Variants in NUP133 observed in about 807,000 individuals in gnomAD.
NUP133 encodes the protein nuclear pore complex protein Nup133.
Under a neutral mutation model 146.2 loss-of-function variants are expected in NUP133, and 66 were observed. That is an observed-to-expected ratio of 0.45 (90% confidence interval 0.37 to 0.55). The LOEUF (loss-of-function observed/expected upper bound fraction) is 0.55, where lower values mean the gene tolerates loss of function less well. NUP133 is among the 20% of genes least tolerant of loss of function. The probability of loss-of-function intolerance (pLI) is 0.00; values close to 1 mark genes in which losing one functional copy is unlikely to be tolerated. For missense variants in NUP133, 1,277 were observed against 1,374.8 expected (o/e 0.93, Z 1.12); for synonymous variants, 521 against 498.8 (o/e 1.04, Z -0.59).
In NUP133 at chr1:229,470,660, T is replaced by C; in HGVS notation, c.1996A>G (p.Thr666Ala). ...TTGTTCAAAGCAATCAATATGGCTG[T>C]GTTGACAAGGTCAGAAAGCCGGGAG... ...HHSRLSDLVN[T>A]AILIALNKRE... Residue 666 changes from threonine to alanine, a missense_variant, in exon 15 of 26, where the codon ACA becomes GCA. Around this residue, in one of 3 missense-constraint regions of NUP133, gnomAD observed 952 missense variants for 1,047.0 expected, o/e 0.91. Transcript: ENST00000261396. The C allele has an allele frequency of 1.2e-6, 2 of 1,613,580 alleles. No homozygotes were observed. The highest frequency in any genetic ancestry group is 1.7e-6 in the Non-Finnish European group (2 of 1,179,974).
chr1:229,444,148 T>G (rs1660251643), intron 25 of NUP133, among the ~76,000 whole-genome samples: 1 of 151,950 alleles, frequency 6.6e-6, no homozygotes, highest in Non-Finnish European at 1.5e-5. Flanking sequence ...CTGACCAACA[T>G]GGTGAAACCC....
intron 24 of NUP133, among the ~76,000 whole-genome samples, chr1:229,446,864 C>A (rs12057446): frequency 2.0e-5 from 3 of 152,072 alleles, no homozygotes; most frequent in Non-Finnish European, 4.4e-5. Context: ...TGGTGGCTCA[C>A]GTCTGTAATC....
chr1:229,502,198 G>C (rs979596419), intron 2 of NUP133, 96 bp from the exon 3 acceptor site: 2 of 817,208 alleles, frequency 2.4e-6, no homozygotes, highest in East Asian at 5.0e-5. Context: ...ACTCAGAAAC[G>C]ACTACCTCAC....
chr1:229,482,510 G>C (rs974618041), intron 12 of NUP133, among the ~76,000 whole-genome samples: 6 of 152,188 alleles, frequency 3.9e-5, no homozygotes, highest in African/African-American at 1.4e-4. Flanking sequence ...GAGCAGGGGG[G>C]CTGGATCACC....
chr1:229,465,860 C>T (rs1242724066), intron 16 of NUP133, among the ~76,000 whole-genome samples: 1 of 140,064 alleles, frequency 7.1e-6, no homozygotes, highest in African/African-American at 2.7e-5. Context: ...ACTATAAACC[C>T]AGCCTGGGCA....
In NUP133 at chr1:229,476,930, AAAAAAAAAAAC is replaced by A. The variant is rs1282424598; in HGVS notation, c.1756+656_1756+666del. Among the ~76,000 whole-genome samples the A allele has an allele frequency of 1.5e-4, 22 of 148,988 alleles. 1 individual carries two copies. Among genetic ancestry groups the A allele is most frequent in the African/African-American group, 5.5e-4 (22 of 40,028 alleles). On this transcript the variant is annotated intron_variant, in intron 13 of 25. Transcript: ENST00000261396. Reference sequence around the variant, plus strand: ...CAAAGTAAGGGAGACCCTGTTTCCAAAAAAAAAAAACAAAAAAAAAAACTGGGATTGGGGGG... The same window carrying A: ...CAAAGTAAGGGAGACCCTGTTTCCAAAAAAAAAAAAACTGGGATTGGGGGG...
chr1:229,458,711 A>ATTTT (rs11444377), intron 20 of NUP133, among the ~76,000 whole-genome samples: 2 of 133,066 alleles, frequency 1.5e-5, no homozygotes, highest in African/African-American at 2.8e-5. Context: ...GATGGACTAC[A>ATTTT]TTTTTTTTTT....
Position 229,502,027 on chromosome 1 carries a change from C to G in NUP133, c.377G>C (p.Trp126Ser). 6.2e-7 allele frequency: 1 copy of G among 1,613,706 alleles called. No homozygotes were observed. Residue 126 changes from tryptophan to serine, a missense_variant, in exon 3 of 26, where the codon TGG becomes TCG. By Grantham distance (177) the Trp-to-Ser change is radical. Transcript: ENST00000261396. ...CLVCKEKLII[W>S]KIALSPITKL... The stretch of plus-strand genomic sequence containing the variant: ...AGTAATAGGTGACAGAGCAATCTTC[C>G]AAATAATGAGCTTCTCTTTGCACAC...
rs531374478 is a variant in NUP133 at position 229,506,555 on chromosome 1, A to G, written c.183-397T>C. On this transcript the variant is annotated intron_variant, in intron 1 of 25. Coordinates refer to ENST00000261396, the MANE Select transcript of NUP133 (RefSeq NM_018230.3). ...TTTACCATATGTTGTGGTCAAATAC[A>G]TTTTATAAATATTGGCTTAGATGAG... 1.3e-3 allele frequency among the ~76,000 whole-genome samples: 198 copies of G among 151,580 alleles called. 2 individuals carry two copies. The highest frequency in any genetic ancestry group is 2.0e-3 in the Non-Finnish European group (135 of 67,946).
chr1:229,496,151 C>G, intron 6 of NUP133, 104 bp from the exon 7 acceptor site: 1 of 884,794 alleles, frequency 1.1e-6, no homozygotes, highest in South Asian at 2.2e-5. Context: ...GTAATCCTAG[C>G]AGAATTCTTC....
intron 1 of NUP133, among the ~76,000 whole-genome samples, chr1:229,507,656 G>A (rs1452822434): frequency 6.6e-6 from 1 of 152,088 alleles, no homozygotes; most frequent in Non-Finnish European, 1.5e-5. Context: ...AGGGTTGTAG[G>A]TCCTCATTAT....
Position 229,503,952 on chromosome 1 carries a change from A to C in NUP133, c.302-1850T>G, listed in dbSNP as rs907334618. Among the ~76,000 whole-genome samples, 14 of 151,322 alleles carry C rather than the reference A, an allele frequency of 9.3e-5. No homozygotes were observed. The Admixed American group carries it at 9.3e-4, about 10-fold the overall frequency. On this transcript the variant is annotated intron_variant, in intron 2 of 25. Coordinates refer to ENST00000261396, the MANE Select transcript of NUP133 (RefSeq NM_018230.3). ...TTTAAATGTAAACTGAAATTTTTAG[A>C]GGGGAAAAATATACACATATATACC...
chr1:229,477,983 A>AAT, intron 12 of NUP133, among the ~76,000 whole-genome samples: 1 of 152,198 alleles, frequency 6.6e-6, no homozygotes, highest in Non-Finnish European at 1.5e-5. Context: ...TACATTTTAA[A>AAT]GTAACTAAGA....
intron 1 of NUP133, 76 bp from the exon 2 acceptor site, chr1:229,506,234 T>C (rs1661933193): frequency 1.3e-6 from 1 of 771,640 alleles, no homozygotes; most frequent in African/African-American, 1.7e-5. Flanking sequence ...GTATATATTT[T>C]CACAGTAAGG....
chr1:229,508,043 A>G, intron 1 of NUP133, 25 bp downstream of exon 1: 3 of 1,436,330 alleles, frequency 2.1e-6, no homozygotes, highest in Non-Finnish European at 2.8e-6. Flanking sequence ...GTTGGTTGCC[A>G]GACCCAACCA....
intron 13 of NUP133, among the ~76,000 whole-genome samples, chr1:229,477,106 A>T (rs1661095624): frequency 6.6e-6 from 1 of 152,044 alleles, no homozygotes; most frequent in South Asian, 2.1e-4. Context: ...CCATTCTGTT[A>T]TCTAGACCTG....
chr1:229,507,797 G>A (rs1026885533), intron 1 of NUP133: 2 of 443,064 alleles, frequency 4.5e-6, no homozygotes, highest in Non-Finnish European at 6.0e-6. Context: ...GTAGTAGGTG[G>A]GAAGTAGGTA....
intron 25 of NUP133, among the ~76,000 whole-genome samples, chr1:229,442,968 A>C (rs1334074818): frequency 1.3e-5 from 2 of 151,894 alleles, no homozygotes; most frequent in East Asian, 3.9e-4. Flanking sequence ...CAGTCTCCTA[A>C]AGTGTTGGGA....
At position 229,465,453 on chromosome 1, in the gene NUP133, G is replaced by T. The variant is rs771202365; in HGVS notation, c.2266C>A (p.Leu756Ile). The change falls in exon 17 of 26, where the codon CTA (leucine) becomes ATA (isoleucine). Residue 756 changes from leucine (L) to isoleucine (I), a missense_variant. This residue lies in a region of NUP133 where 952 missense variants were observed against 1,047.0 expected (regional missense o/e 0.91). Transcript: ENST00000261396. ...RNSLYRREES[L>I]EKEPEYVPWT... ...GGAACATATTCAGGTTCTTTTTCTA[G>T]TGATTCTTCTCTTCTATACAAAGAG... The T allele has an allele frequency of 7.4e-6, 12 of 1,613,268 alleles. No individual in the cohort carries two copies. The South Asian group carries it at 1.3e-4, about 18-fold the overall frequency.
Sources: gnomAD v4.1 joint callset for allele counts (sites outside exome capture counted in the v4.1 genomes callset) on GRCh38, gnomAD v4.1.1 for gene constraint, gnomAD v4.1.1 regional missense constraint, MANE v1.5 for transcripts, NCBI Gene and HGNC (gene_info 2026-07-23, HGNC 2026-07-21) for gene names.